The following MCCC1 variants were observed in gnomAD, a reference collection of about 807,000 sequenced individuals.
The protein encoded by MCCC1 is methylcrotonoyl-CoA carboxylase subunit alpha, mitochondrial.
MCCC1 carries 64 observed loss-of-function variants against 83.8 expected under a neutral mutation model. The ratio of observed to expected loss-of-function variants is 0.76; its 90% CI spans 0.62 to 0.94. MCCC1 has a LOEUF of 0.94. Ranked by LOEUF, MCCC1 falls within the 40% of genes least tolerant of loss-of-function variation. The pLI, the probability that MCCC1 is intolerant of heterozygous loss-of-function variation, is 0.00. For synonymous variants in MCCC1, 322 were observed against 315.4 expected (o/e 1.02, Z -0.22); for missense variants, 807 against 904.7 (o/e 0.89, Z 1.39).
chr3:183,088,628 A>C (rs1577356248), intron 3 of MCCC1, among the ~76,000 whole-genome samples: 1 of 152,224 alleles, frequency 6.6e-6, no homozygotes, highest in Non-Finnish European at 1.5e-5. Context: ...TCCAGATAGA[A>C]CATCCACTAT....
intron 9 of MCCC1, among the ~76,000 whole-genome samples, chr3:183,051,849 A>G (rs1359909562): frequency 6.6e-6 from 1 of 152,306 alleles, no homozygotes. Context: ...ACTGCTCTAA[A>G]AGAGAAAGTT....
chr3:183,041,661 A>G lies in MCCC1; in HGVS notation c.1173T>C (p.Pro391=). ...AFEARIYAED[P]SNNFMPVAGP... ...CTGCCACAGGCATGAAGTTATTGCTAGGATCTTCTGCATATATTCTAGCTT... is the reference window on the plus strand; with the variant it reads ...CTGCCACAGGCATGAAGTTATTGCTGGGATCTTCTGCATATATTCTAGCTT... The change falls in exon 11 of 19, where the codon CCT becomes CCC. Residue 391 remains proline (P), a synonymous_variant. Transcript: ENST00000265594. 6.2e-7 allele frequency: 1 copy of G among 1,614,204 alleles called. No homozygotes were observed. The highest frequency in any genetic ancestry group is 1.1e-5 in the South Asian group (1 of 91,088).
At chr3:183,022,821 C>T (rs1338690431) in intron 15 of MCCC1, 19 of 297,368 alleles carry the variant, frequency 6.4e-5, no homozygotes, top group Admixed American at 1.4e-4. Flanking sequence ...TAAAGGTTCA[C>T]GTAAACATAT....
intron 7 of MCCC1, among the ~76,000 whole-genome samples, chr3:183,065,839 G>A (rs1484958736): frequency 1.3e-5 from 2 of 152,174 alleles, no homozygotes; most frequent in Non-Finnish European, 2.9e-5. Context: ...TTCTTCTTAA[G>A]GCACTGATCT....
chr3:183,093,984 A>G (rs1718553370), intron 2 of MCCC1, among the ~76,000 whole-genome samples: 1 of 152,164 alleles, frequency 6.6e-6, no homozygotes, highest in Non-Finnish European at 1.5e-5. Context: ...AAATGGACAG[A>G]AAGAACAAAC....
At chr3:183,040,206 G>T (rs190080337) in intron 11 of MCCC1, among the ~76,000 whole-genome samples, 1 of 151,458 alleles carries the variant, frequency 6.6e-6, no homozygotes, top group South Asian at 2.1e-4. Context: ...TCTTGCTGTG[G>T]CTTATCCAGA....
chr3:183,017,420 T>C (rs1560199803), intron 17 of MCCC1, 83 bp from the exon 18 acceptor site: 1 of 1,199,352 alleles, frequency 8.3e-7, no homozygotes, highest in African/African-American at 1.5e-5. Flanking sequence ...GTAACCATTT[T>C]ACTGTCTATA....
chr3:183,074,599 C>A (rs1328081300), intron 4 of MCCC1, among the ~76,000 whole-genome samples: 1 of 152,042 alleles, frequency 6.6e-6, no homozygotes, highest in African/African-American at 2.4e-5. Flanking sequence ...GAAACTCATA[C>A]GAATAGAAAA....
rs745677822 is a variant in MCCC1, at chr3:183,099,479, GAGGC to G, written c.-43_-40del. 2.5e-6 allele frequency: 4 copies of G among 1,573,768 alleles called. No individual in the cohort carries two copies. In the Admixed American group the frequency reaches 5.5e-5, roughly 22 times the overall value. ...GGCCACTCCGTGACTCCCCAGTACAGAGGCAGCTGCGTCCCACACGCCAAACCCG... is the reference window on the plus strand; with the variant it reads ...GGCCACTCCGTGACTCCCCAGTACAGAGCTGCGTCCCACACGCCAAACCCG... On this transcript the variant is annotated 5_prime_UTR_variant, in exon 1 of 19. Coordinates refer to ENST00000265594, the MANE Select transcript of MCCC1 (RefSeq NM_020166.5).
Position 183,087,418 on chromosome 3 carries a change from G to A in MCCC1, c.274-630C>T, listed in dbSNP as rs118033365. Among the ~76,000 whole-genome samples, 338 of 152,264 alleles carry A rather than the reference G, an allele frequency of 2.2e-3. 7 individuals are homozygous for A. In the East Asian group the frequency reaches 0.051, roughly 23 times the overall value. On this transcript the variant is annotated intron_variant, in intron 3 of 18. Coordinates refer to ENST00000265594, the MANE Select transcript of MCCC1 (RefSeq NM_020166.5). ...GAACAAGACAAATGTCCCTGTCTAG[G>A]GGGAGAGACAGACATTAAAAATACA... is the stretch of plus-strand genomic sequence containing the variant.
chr3:183,062,256 GA>G (rs1430736418), intron 7 of MCCC1, among the ~76,000 whole-genome samples: 1 of 152,012 alleles, frequency 6.6e-6, no homozygotes. Context: ...CAGGTAAGAG[GA>G]AACACTACAG....
At chr3:183,101,260 C>T (rs1248602980), upstream of MCCC1, among the ~76,000 whole-genome samples, 6 of 152,388 alleles carry the variant, frequency 3.9e-5, no homozygotes, top group East Asian at 5.8e-4. Flanking sequence ...TCCCATCGAC[C>T]ACCCAAGAGC....
chr3:183,049,521 A>G (rs2108492578), intron 9 of MCCC1, among the ~76,000 whole-genome samples: 1 of 151,504 alleles, frequency 6.6e-6, no homozygotes, highest in African/African-American at 2.4e-5. Flanking sequence ...GCAGTGAGCC[A>G]AGATCTCACC....
In MCCC1 at chr3:183,038,874, C is replaced by T. The variant is rs559512390; in HGVS notation, c.1377+152G>A. 206 of 731,042 alleles carry T rather than the reference C, an allele frequency of 2.8e-4. 1 individual carries two copies. The highest frequency in any genetic ancestry group is 2.6e-3 in the African/African-American group (150 of 57,306). 45.3% of individuals were successfully genotyped at this position (731,042 alleles called of 1,614,324 possible). A position where few individuals can be genotyped will look rare whatever the true frequency, so the allele number is the denominator to read the frequency against. On this transcript the variant is annotated intron_variant, in intron 12 of 18. Transcript: ENST00000265594. ...AGTCCTCAAACCCTGTTCTGGCCCA[C>T]GCAAAATTCTCCCATGTGAAACTAT... is the stretch of plus-strand genomic sequence containing the variant.
At chr3:183,063,569 A>C (rs990641008) in intron 7 of MCCC1, among the ~76,000 whole-genome samples, 1 of 152,184 alleles carries the variant, frequency 6.6e-6, no homozygotes, top group Non-Finnish European at 1.5e-5. Context: ...AAATGTTATT[A>C]CTAGAGGCTG....
intron 6 of MCCC1, 39 bp downstream of exon 6, chr3:183,071,171 C>T (rs1448230003): frequency 2.5e-6 from 4 of 1,614,164 alleles, no homozygotes. Flanking sequence ...ACAAAGAAGA[C>T]AAGCCTGAAT....
chr3:183,075,378 AT>A (rs891736819), intron 4 of MCCC1, among the ~76,000 whole-genome samples: 37 of 151,924 alleles, frequency 2.4e-4, no homozygotes, highest in African/African-American at 8.5e-4. Flanking sequence ...GACATCTGTT[AT>A]TTTTTTGACT....
At chr3:183,081,253 C>T (rs777486617) in intron 4 of MCCC1, among the ~76,000 whole-genome samples, 1 of 152,230 alleles carries the variant, frequency 6.6e-6, no homozygotes, top group Non-Finnish European at 1.5e-5. Context: ...TTGCTTCAGG[C>T]ATGTATTGAG....
chr3:183,038,906 TG>T, intron 12 of MCCC1, 119 bp downstream of exon 12: 1 of 893,866 alleles, frequency 1.1e-6, no homozygotes, highest in Non-Finnish European at 1.8e-6. Context: ...CTATTTTGTT[TG>T]GGCAATTGAT....
Sources: gnomAD v4.1 joint callset for allele counts (sites outside exome capture counted in the v4.1 genomes callset) on GRCh38, gnomAD v4.1.1 for gene constraint, MANE v1.5 for transcripts, NCBI Gene and HGNC (gene_info 2026-07-23, HGNC 2026-07-21) for gene names.